Variants in CDC42SE2 observed in about 807,000 individuals in gnomAD.
CDC42SE2 encodes the protein CDC42 small effector 2.
CDC42SE2 carries 3 observed loss-of-function variants against 11.5 expected under a neutral mutation model. The ratio of observed to expected loss-of-function variants is 0.26; its 90% confidence interval spans 0.12 to 0.67. CDC42SE2 has a LOEUF of 0.67. CDC42SE2 is among the 30% of genes least tolerant of loss of function. The pLI is 0.80. For synonymous variants in CDC42SE2, 33 were observed against 34.8 expected (o/e 0.95, Z 0.18); for missense variants, 82 against 106.8 (o/e 0.77, Z 1.02).
chr5:131,354,261 T>C (rs1296159602), intron 2 of CDC42SE2, among the ~76,000 whole-genome samples: 2 of 152,050 alleles, frequency 1.3e-5, no homozygotes, highest in Non-Finnish European at 2.9e-5. Context: ...TAAAATAAAA[T>C]TGCATAGTGG....
At chr5:131,361,410 T>TG (rs557593556) in intron 3 of CDC42SE2, among the ~76,000 whole-genome samples, 76 of 152,188 alleles carry the variant, frequency 5.0e-4, no homozygotes, top group African/African-American at 1.6e-3. Context: ...AGCCATGCGA[T>TG]GGGGGTGTGG....
At chr5:131,236,759 T>C in the CDC42SE2 span, among the ~76,000 whole-genome samples, 9 of 152,342 alleles carry the variant, frequency 5.9e-5, no homozygotes, top group African/African-American at 1.9e-4. Context: ...AGCTACCAGT[T>C]GTTCTAATGT....
chr5:131,232,016 C>T, the CDC42SE2 span, among the ~76,000 whole-genome samples: 1 of 152,296 alleles, frequency 6.6e-6, no homozygotes, highest in South Asian at 2.1e-4. Flanking sequence ...TCTCAAACTC[C>T]TGACTTCAAG....
intron 2 of CDC42SE2, among the ~76,000 whole-genome samples, chr5:131,347,297 T>TA (rs750761354): frequency 3.9e-5 from 6 of 151,942 alleles, no homozygotes; most frequent in Non-Finnish European, 5.9e-5. Flanking sequence ...ATAGATGCAA[T>TA]AAAAAATGAT....
At chr5:131,341,415 T>C (rs1758709597) in intron 2 of CDC42SE2, among the ~76,000 whole-genome samples, 1 of 152,244 alleles carries the variant, frequency 6.6e-6, no homozygotes, top group African/African-American at 2.4e-5. Context: ...AAGATTTTTG[T>C]CTTGGTATTC....
intron 1 of CDC42SE2, among the ~76,000 whole-genome samples, chr5:131,305,113 T>A (rs895788533): frequency 4.3e-5 from 4 of 93,068 alleles, no homozygotes; most frequent in African/African-American, 1.0e-4. Context: ...GTATAAATTA[T>A]ACAGTATATA....
At chr5:131,292,870 C>A (rs1007662342) in intron 1 of CDC42SE2, among the ~76,000 whole-genome samples, 1 of 129,870 alleles carries the variant, frequency 7.7e-6, no homozygotes. Context: ...TGAGATTGCA[C>A]CCACTCAGCC....
At chr5:131,219,853 C>T in the CDC42SE2 span, among the ~76,000 whole-genome samples, 3 of 152,150 alleles carry the variant, frequency 2.0e-5, no homozygotes, top group African/African-American at 4.8e-5. Context: ...GGGAGAATCA[C>T]TTGAGCCCAG....
intron 1 of CDC42SE2, among the ~76,000 whole-genome samples, chr5:131,302,842 C>T (rs1428522622): frequency 6.8e-6 from 1 of 147,188 alleles, no homozygotes; most frequent in Admixed American, 6.8e-5. Context: ...TTTTTTAAGA[C>T]AAGCAGATTC....
the CDC42SE2 span, among the ~76,000 whole-genome samples, chr5:131,228,383 CAG>C: frequency 2.0e-5 from 3 of 151,674 alleles, no homozygotes; most frequent in Non-Finnish European, 4.4e-5. Flanking sequence ...GAAAGAGAGA[CAG>C]AGAGAGAGAG....
chr5:131,329,209 T>C (rs1758360055), intron 2 of CDC42SE2, among the ~76,000 whole-genome samples: 1 of 152,200 alleles, frequency 6.6e-6, no homozygotes. Context: ...GGCAAAATCT[T>C]AAAGAGCTTT....
chr5:131,218,136 C>A, the CDC42SE2 span, among the ~76,000 whole-genome samples: 91 of 142,474 alleles, frequency 6.4e-4, no homozygotes, highest in Middle Eastern at 3.8e-3. Context: ...TGAATCATAC[C>A]ACTGCACTCC....
At chr5:131,243,317 C>A (rs901892697), upstream of CDC42SE2, among the ~76,000 whole-genome samples, 4 of 152,148 alleles carry the variant, frequency 2.6e-5, no homozygotes, top group Admixed American at 2.0e-4. Context: ...CGGTGGCTCA[C>A]GCCTGTAATC....
upstream of CDC42SE2, among the ~76,000 whole-genome samples, chr5:131,259,940 T>C (rs1756709577): frequency 6.6e-6 from 1 of 152,284 alleles, no homozygotes; most frequent in South Asian, 2.1e-4. Flanking sequence ...TTAAACATTA[T>C]ACTATATTGA....
chr5:131,339,860 A>T (rs1387774207), intron 2 of CDC42SE2, among the ~76,000 whole-genome samples: 1 of 152,072 alleles, frequency 6.6e-6, no homozygotes, highest in Non-Finnish European at 1.5e-5. Context: ...TAAAAGAGTC[A>T]TGGAGAAAAT....
At chr5:131,368,386 G>A (rs1333410988) in intron 3 of CDC42SE2, among the ~76,000 whole-genome samples, 1 of 151,960 alleles carries the variant, frequency 6.6e-6, no homozygotes, top group African/African-American at 2.4e-5. Context: ...GCCAATACAC[G>A]ATGATACACA....
At chr5:131,308,389 G>A (rs1244616405) in intron 1 of CDC42SE2, among the ~76,000 whole-genome samples, 69 of 152,098 alleles carry the variant, frequency 4.5e-4, no homozygotes, top group African/African-American at 1.6e-3. Context: ...GATGCCTCCA[G>A]CTTTGTTCTT....
At chr5:131,269,164 T>C (rs1756940919) in intron 1 of CDC42SE2, among the ~76,000 whole-genome samples, 1 of 152,222 alleles carries the variant, frequency 6.6e-6, no homozygotes, top group African/African-American at 2.4e-5. Context: ...AGGATTTAGC[T>C]GAGACTGCTT....
intron 2 of CDC42SE2, among the ~76,000 whole-genome samples, chr5:131,335,350 G>A (rs557778296): frequency 5.4e-4 from 82 of 152,218 alleles, no homozygotes; most frequent in South Asian, 1.9e-3. Flanking sequence ...TATGATTTCT[G>A]TTCTTTTCCA....
Sources: gnomAD v4.1 joint callset for allele counts (sites outside exome capture counted in the v4.1 genomes callset) on GRCh38, gnomAD v4.1.1 for gene constraint, MANE v1.5 for transcripts, NCBI Gene and HGNC (gene_info 2026-07-23, HGNC 2026-07-21) for gene names.